The following PCCA variants were observed in gnomAD, a reference collection of about 807,000 sequenced individuals.
The protein encoded by PCCA is propionyl-CoA carboxylase alpha chain, mitochondrial.
PCCA carries 74 observed loss-of-function variants against 101.3 expected under a neutral mutation model. That is an observed-to-expected ratio of 0.73 (90% confidence interval 0.61 to 0.89). The LOEUF (loss-of-function observed/expected upper bound fraction) is 0.89. Ranked by LOEUF, PCCA falls within the 40% of genes least tolerant of loss-of-function variation. PCCA has a pLI of 0.00. For synonymous variants in PCCA, 294 were observed against 313.6 expected, an observed-to-expected ratio of 0.94 and a Z score of 0.66; for missense variants, 891 against 907.0, an observed-to-expected ratio of 0.98 and a Z score of 0.23.
intron 11 of PCCA, among the ~76,000 whole-genome samples, 189 bp downstream of exon 11, chr13:100,268,972 C>T (rs1356898751): frequency 6.6e-6 from 1 of 152,152 alleles, no homozygotes; most frequent in Non-Finnish European, 1.5e-5. Context: ...AACTCAGCCT[C>T]CCACGTAGCC....
At chr13:100,118,136 A>G (rs907778202) in intron 4 of PCCA, among the ~76,000 whole-genome samples, 2 of 151,754 alleles carry the variant, frequency 1.3e-5, no homozygotes, top group East Asian at 3.9e-4. Context: ...AAAAAAAAAA[A>G]AAAAGAAAAT....
At chr13:100,211,994 C>T (rs2059246289) in intron 7 of PCCA, among the ~76,000 whole-genome samples, 1 of 152,180 alleles carries the variant, frequency 6.6e-6, no homozygotes, top group Non-Finnish European at 1.5e-5. Flanking sequence ...TTCCCCTCGG[C>T]CTCCCAAAGT....
At chr13:100,447,654 A>G (rs949959928) in intron 20 of PCCA, among the ~76,000 whole-genome samples, 3 of 150,748 alleles carry the variant, frequency 2.0e-5, no homozygotes, top group Non-Finnish European at 1.5e-5. Context: ...CCTGGGTGAC[A>G]AGAATGAAAC....
At chr13:100,524,990 TA>T (rs1340913555) in intron 22 of PCCA, among the ~76,000 whole-genome samples, 3 of 104,800 alleles carry the variant, frequency 2.9e-5, no homozygotes, top group Non-Finnish European at 2.2e-5. Flanking sequence ...GATGGATAGA[TA>T]GATAGATAGA....
chr13:100,104,283 A>G (rs1373209897), intron 2 of PCCA, among the ~76,000 whole-genome samples: 2 of 152,172 alleles, frequency 1.3e-5, no homozygotes, highest in African/African-American at 4.8e-5. Context: ...AAGAGTCTAC[A>G]TATCTTCAGT....
chr13:100,444,224 C>T (rs531021032), intron 20 of PCCA, among the ~76,000 whole-genome samples: 14 of 143,456 alleles, frequency 9.8e-5, no homozygotes, highest in East Asian at 4.1e-4. Flanking sequence ...TTTTTTGAGA[C>T]GGTGTCTCGC....
intron 12 of PCCA, among the ~76,000 whole-genome samples, chr13:100,280,567 C>T (rs915960248): frequency 2.6e-5 from 4 of 152,130 alleles, no homozygotes; most frequent in African/African-American, 9.7e-5. Flanking sequence ...TCCCTCATCT[C>T]ACCTCTCTCC....
chr13:100,163,233 A>C (rs2152399082), intron 6 of PCCA, among the ~76,000 whole-genome samples: 1 of 152,236 alleles, frequency 6.6e-6, no homozygotes, highest in East Asian at 1.9e-4. Context: ...CTTGAGGTTA[A>C]AACAGATTGA....
chr13:100,394,052 C>CCT lies in PCCA; in HGVS notation c.1746+25481_1746+25482dup, dbSNP rs2076937695. ...CCATAAAAATAACATTGTTGTAGAG[C>CCT]CTCTGTATGCGTCAGCTGTGACTGA... On this transcript the variant is annotated intron_variant, in intron 19 of 23. Coordinates refer to ENST00000376285, the MANE Select transcript of PCCA (RefSeq NM_000282.4). This position sits in a 1 kb window ranked among gnomAD's most constrained non-coding sequence, Gnocchi z 4.3. Among the ~76,000 whole-genome samples, 1 of 152,172 alleles carries CCT rather than the reference C, an allele frequency of 6.6e-6. No individual in the cohort carries two copies.
chr13:100,385,703 A>G (rs1056201847), intron 19 of PCCA, among the ~76,000 whole-genome samples: 8 of 152,148 alleles, frequency 5.3e-5, no homozygotes, highest in African/African-American at 1.7e-4. Context: ...GCTGACTGCA[A>G]CGTCGGCCTC....
At chr13:100,366,396 A>G (rs577812693) in intron 18 of PCCA, among the ~76,000 whole-genome samples, 17 of 152,220 alleles carry the variant, frequency 1.1e-4, no homozygotes, top group African/African-American at 3.9e-4. Flanking sequence ...CACTCCTCAC[A>G]GTCTTTTCTA....
At chr13:100,189,710 A>C (rs913334571) in intron 6 of PCCA, among the ~76,000 whole-genome samples, 4 of 152,190 alleles carry the variant, frequency 2.6e-5, no homozygotes, top group Admixed American at 2.6e-4. Context: ...AAAAAAATAT[A>C]TGTTGCCCAG....
chr13:100,517,935 C>T (rs2086955668), intron 22 of PCCA, among the ~76,000 whole-genome samples: 1 of 152,148 alleles, frequency 6.6e-6, no homozygotes, highest in Admixed American at 6.5e-5. Context: ...ACGTCACTTA[C>T]TTGAGGCCAT....
chr13:100,114,953 G>C lies in PCCA; in HGVS notation c.300+2892G>C, dbSNP rs947169572. 2.6e-5 allele frequency among the ~76,000 whole-genome samples: 4 copies of C among 152,176 alleles called. No homozygotes were observed. The East Asian group carries it at 7.7e-4, about 29-fold the overall frequency. ...TGTACACCTAGCACCAGGGAAATCA[G>C]TATATGGAGGAGATATCTGCACTCC... is the stretch of plus-strand genomic sequence containing the variant. On this transcript the variant is annotated intron_variant, in intron 4 of 23. Coordinates refer to ENST00000376285, the MANE Select transcript of PCCA (RefSeq NM_000282.4).
At chr13:100,171,754 T>C (rs1021164881) in intron 6 of PCCA, among the ~76,000 whole-genome samples, 1 of 151,864 alleles carries the variant, frequency 6.6e-6, no homozygotes, top group Admixed American at 6.6e-5. Context: ...TGGGTGTGGC[T>C]GGGCGCGGTG....
At chr13:100,361,607 A>G (rs2074607034) in intron 18 of PCCA, among the ~76,000 whole-genome samples, 1 of 152,162 alleles carries the variant, frequency 6.6e-6, no homozygotes, top group Non-Finnish European at 1.5e-5. Flanking sequence ...GACCTAATAA[A>G]AATGGGCAAA....
At chr13:100,468,829 A>G (rs1039583940) in intron 21 of PCCA, among the ~76,000 whole-genome samples, 39 of 152,178 alleles carry the variant, frequency 2.6e-4, no homozygotes, top group African/African-American at 8.9e-4. Context: ...GTTCGAGACC[A>G]GCCTGGCCAA....
chr13:100,344,769 G>A (rs117526402), intron 18 of PCCA, among the ~76,000 whole-genome samples: 3,199 of 152,146 alleles, frequency 0.021, 43 homozygotes, highest in Non-Finnish European at 0.032. Context: ...CATTTTTTAC[G>A]GATTGAAGGT....
intron 7 of PCCA, among the ~76,000 whole-genome samples, chr13:100,226,306 T>A (rs529889244): frequency 6.6e-6 from 1 of 152,302 alleles, no homozygotes; most frequent in Admixed American, 6.5e-5. Flanking sequence ...TATTTTTTTT[T>A]AATAAACAGT....
Sources: allele counts gnomAD v4.1 joint callset (sites outside exome capture counted in the v4.1 genomes callset), GRCh38; gene constraint gnomAD v4.1.1; non-coding constraint Gnocchi (gnomAD v3.1); transcripts MANE v1.5; gene names NCBI Gene and HGNC (gene_info 2026-07-23, HGNC 2026-07-21).